The following MEF2B variants were observed in gnomAD, a reference collection of about 807,000 sequenced individuals.
MEF2B encodes the protein myocyte-specific enhancer factor 2B.
MEF2B carries 15 observed loss-of-function variants against 32.2 expected under a neutral mutation model. The ratio of observed to expected loss-of-function variants is 0.47; its 90% CI spans 0.31 to 0.72. The LOEUF is 0.72. MEF2B is among the 30% of genes least tolerant of loss of function. The pLI, the probability that MEF2B is intolerant of heterozygous loss-of-function variation, is 0.05. For synonymous variants in MEF2B, 205 were observed against 225.6 expected, an observed-to-expected ratio of 0.91 and a Z score of 0.82; for missense variants, 441 against 511.5, an observed-to-expected ratio of 0.86 and a Z score of 1.33.
intron 2 of MEF2B, among the ~76,000 whole-genome samples, chr19:19,150,186 AGG>A (rs1568547591): frequency 1.8e-5 from 2 of 109,410 alleles, no homozygotes; most frequent in Non-Finnish European, 3.9e-5. Flanking sequence ...GAGGGAGGGA[AGG>A]AAGGAAGGAA....
chr19:19,156,409 T>C (rs1406726919), intron 1 of MEF2B, among the ~76,000 whole-genome samples: 1 of 151,994 alleles, frequency 6.6e-6, no homozygotes, highest in Admixed American at 6.6e-5. Flanking sequence ...AAAAAAATTT[T>C]TTTTTTAAAG....
intron 2 of MEF2B, 49 bp downstream of exon 2, chr19:19,150,633 C>T (rs2060071559): frequency 6.2e-7 from 1 of 1,612,580 alleles, no homozygotes; most frequent in Non-Finnish European, 8.5e-7. Flanking sequence ...AGGCCATGCC[C>T]CCTGCTAGGA....
At position 19,146,797 on chromosome 19, in the gene MEF2B, C is replaced by T. The variant is rs764313266; in HGVS notation, c.620G>A (p.Arg207Gln). The T allele has an allele frequency of 1.8e-5, 29 of 1,613,888 alleles. No homozygotes were observed. Among genetic ancestry groups the T allele is most frequent in the South Asian group, 9.9e-5 (9 of 91,084 alleles). ...PPPLYLPTEGRRSDLPGGLAG... is the reference protein window; with the variant it reads ...PPPLYLPTEGQRSDLPGGLAG... ...CAGGCCACCAGGCAGGTCTGACCTC[C>T]GCCCTTCCGTCGGCAGGTACAGTGG... The change falls in exon 6 of 9, where the codon CGG becomes CAG. Residue 207 changes from arginine to glutamine, a missense_variant. Arg to Gln is a conservative substitution (Grantham distance 43, BLOSUM62 1). Transcript: ENST00000424583.
Position 19,145,790 on chromosome 19 carries a change from T to TG in MEF2B, c.*6dup, listed in dbSNP as rs1344543620. ...AGCGCTCTGGGCTGGTGCCACCGGG[T>TG]GATCTCCTACCGGGGCCAGCCGTCG... On this transcript the variant is annotated 3_prime_UTR_variant, in exon 9 of 9. Coordinates refer to ENST00000424583, the MANE Select transcript of MEF2B (RefSeq NM_001145785.2). The surrounding 1 kb of genome is among the most constrained non-coding windows in gnomAD (Gnocchi z 4.6). 2 of 1,546,780 alleles carry TG rather than the reference T, an allele frequency of 1.3e-6. No individual in the cohort carries two copies. The highest frequency in any genetic ancestry group is 4.0e-5 in the Admixed American group (2 of 49,964).
Position 19,146,793 on chromosome 19 carries a change from C to T in MEF2B, c.624G>A (p.Arg208=), listed in dbSNP as rs1019104715. 11 of 1,614,034 alleles carry T rather than the reference C, an allele frequency of 6.8e-6. No individual in the cohort carries two copies. The highest frequency in any genetic ancestry group is 9.3e-6 in the Non-Finnish European group (11 of 1,179,950). Residue 208 remains arginine (R), a synonymous_variant, in exon 6 of 9, where the codon AGG becomes AGA. Transcript: ENST00000424583. ...PPLYLPTEGR[R]SDLPGGLAGP... Reference sequence around the variant, plus strand: ...CAGCCAGGCCACCAGGCAGGTCTGACCTCCGCCCTTCCGTCGGCAGGTACA... The same window carrying T: ...CAGCCAGGCCACCAGGCAGGTCTGATCTCCGCCCTTCCGTCGGCAGGTACA...
intron 3 of MEF2B, among the ~76,000 whole-genome samples, 193 bp from the exon 4 acceptor site, chr19:19,148,025 C>A (rs913888556): frequency 6.6e-5 from 10 of 152,072 alleles, no homozygotes; most frequent in Non-Finnish European, 1.3e-4. Flanking sequence ...TCCCCTGGGA[C>A]CGAAAAGCCC....
rs768284784 is a variant in MEF2B, at chr19:19,146,730, C to T, written c.675+12G>A. ...GCCCTCATCAGCCCTGCCACACCCT[C>T]CCCTCACTCACGGAGGTGTTTAGTC... On this transcript the variant is annotated intron_variant, in intron 6 of 8. Coordinates refer to ENST00000424583, the MANE Select transcript of MEF2B (RefSeq NM_001145785.2). The T allele has an allele frequency of 6.2e-6, 10 of 1,613,872 alleles. No individual in the cohort carries two copies. The East Asian group carries it at 1.8e-4, about 29-fold the overall frequency.
chr19:19,169,530 A>G (rs1471607838), intron 1 of MEF2B, among the ~76,000 whole-genome samples: 2 of 152,096 alleles, frequency 1.3e-5, no homozygotes, highest in Admixed American at 6.6e-5. Context: ...TGGGTCTGCA[A>G]CTAGGGGTTA....
At chr19:19,156,708 G>C (rs2060122913) in intron 1 of MEF2B, among the ~76,000 whole-genome samples, 1 of 152,104 alleles carries the variant, frequency 6.6e-6, no homozygotes, top group African/African-American at 2.4e-5. Context: ...CTGGAGTTCA[G>C]TGGTGCAATT....
At chr19:19,163,917 C>T (rs1244540360) in intron 1 of MEF2B, among the ~76,000 whole-genome samples, 1 of 152,134 alleles carries the variant, frequency 6.6e-6, no homozygotes, top group African/African-American at 2.4e-5. Flanking sequence ...AATCTGCCTG[C>T]CTTGGCCTCC....
intron 1 of MEF2B, among the ~76,000 whole-genome samples, chr19:19,160,841 C>T (rs544325792): frequency 6.6e-6 from 1 of 152,218 alleles, no homozygotes; most frequent in South Asian, 2.1e-4. Context: ...CCAGCGGCTC[C>T]GACCCCAGCT....
At chr19:19,152,882 C>T (rs1364301337) in intron 1 of MEF2B, among the ~76,000 whole-genome samples, 2 of 152,212 alleles carry the variant, frequency 1.3e-5, no homozygotes, top group African/African-American at 2.4e-5. Context: ...CCTCTCTGGG[C>T]TGGGTCTCTG....
At position 19,145,857 on chromosome 19, in the gene MEF2B, C is replaced by T. The variant is rs537480202; in HGVS notation, c.1047G>A (p.Glu349=). 79 of 1,495,080 alleles carry T rather than the reference C, an allele frequency of 5.3e-5. No homozygotes were observed. Among genetic ancestry groups the T allele is most frequent in the Non-Finnish European group, 6.0e-5 (67 of 1,120,078 alleles). 92.6% of individuals were successfully genotyped at this position (1,495,080 alleles called of 1,614,324 possible). ...GCAGGGCGGGCCCAGGCCGCAGAGG[C>T]TCTGCCAGGGACCGGGCGAGGAGCA... is the stretch of plus-strand genomic sequence containing the variant. The part of the protein sequence containing the change: ...YPLLLARSLA[E]PLRPGPALRR... The change falls in exon 9 of 9, where the codon GAG becomes GAA. Residue 349 remains glutamate, a synonymous_variant. Transcript: ENST00000424583. This position sits in a 1 kb window ranked among gnomAD's most constrained non-coding sequence, Gnocchi z 4.6.
chr19:19,159,646 A>G (rs2060144638), intron 1 of MEF2B, among the ~76,000 whole-genome samples: 1 of 152,070 alleles, frequency 6.6e-6, no homozygotes, highest in Non-Finnish European at 1.5e-5. Context: ...TGTGGGGGTG[A>G]GGGGGAATTG....
chr19:19,152,653 G>A (rs949091654), intron 1 of MEF2B, among the ~76,000 whole-genome samples: 2 of 152,184 alleles, frequency 1.3e-5, no homozygotes, highest in African/African-American at 2.4e-5. Context: ...GCAGTGAGCC[G>A]AGATCCCGAG....
intron 1 of MEF2B, among the ~76,000 whole-genome samples, chr19:19,162,996 C>G (rs1481135027): frequency 6.6e-6 from 1 of 152,146 alleles, no homozygotes; most frequent in Non-Finnish European, 1.5e-5. Flanking sequence ...TCTGCAACAC[C>G]AGCCCCAAAC....
At chr19:19,169,350 T>TC (rs977196927) in intron 1 of MEF2B, among the ~76,000 whole-genome samples, 2 of 108,998 alleles carry the variant, frequency 1.8e-5, no homozygotes, top group African/African-American at 6.3e-5. Flanking sequence ...AGACCCTGTC[T>TC]CAAAAAAAAA....
At chr19:19,146,520 T>C in intron 7 of MEF2B, 35 bp downstream of exon 7, 1 of 1,501,338 alleles carries the variant, frequency 6.7e-7, no homozygotes, top group Non-Finnish European at 8.9e-7. Context: ...GTGCGGACGC[T>C]TCCCAGGTGG....
At chr19:19,163,798 C>G (rs112050642) in intron 1 of MEF2B, among the ~76,000 whole-genome samples, 1 of 151,968 alleles carries the variant, frequency 6.6e-6, no homozygotes, top group Non-Finnish European at 1.5e-5. Context: ...GGGCTGCAGG[C>G]GCCTGCCCCT....
Sources: allele counts gnomAD v4.1 joint callset (sites outside exome capture counted in the v4.1 genomes callset), GRCh38; gene constraint gnomAD v4.1.1; non-coding constraint Gnocchi (gnomAD v3.1); transcripts MANE v1.5; gene names NCBI Gene and HGNC (gene_info 2026-07-23, HGNC 2026-07-21).